The following BAHCC1 variants were observed in gnomAD, a reference collection of about 807,000 sequenced individuals.
BAHCC1 encodes BAH domain and coiled-coil containing 1.
Under a neutral mutation model 88.2 loss-of-function variants are expected in BAHCC1, and 43 were observed. The ratio of observed to expected loss-of-function variants is 0.49; its 90% CI spans 0.38 to 0.63. The LOEUF is 0.63. Among genes scored for constraint, BAHCC1 ranks in the 20% least tolerant of loss-of-function variants. The pLI is 0.00. For synonymous variants in BAHCC1, 1,510 were observed against 745.5 expected (o/e 2.03, Z -16.71); for missense variants, 3,023 against 1,654.8 (o/e 1.83, Z -14.34).
At chr17:81,419,382 C>G (rs538638899) in intron 2 of BAHCC1, among the ~76,000 whole-genome samples, 1 of 152,280 alleles carries the variant, frequency 6.6e-6, no homozygotes, top group Admixed American at 6.5e-5. Flanking sequence ...TTCCTCCCCG[C>G]GCTTTCCCGG....
chr17:81,398,618 C>T (rs2063770487), intron 1 of BAHCC1, among the ~76,000 whole-genome samples: 1 of 152,214 alleles, frequency 6.6e-6, no homozygotes, highest in African/African-American at 2.4e-5. Context: ...CCCCCCCACA[C>T]ACACCCCCAA....
chr17:81,397,966 A>G (rs1218915789), intron 1 of BAHCC1, among the ~76,000 whole-genome samples: 7 of 152,268 alleles, frequency 4.6e-5, no homozygotes, highest in Non-Finnish European at 1.0e-4. Context: ...TAAATCAAAC[A>G]CAAAATAGTC....
chr17:81,453,754 G>A (rs1254233248), intron 14 of BAHCC1, among the ~76,000 whole-genome samples: 1 of 152,208 alleles, frequency 6.6e-6, no homozygotes, highest in Non-Finnish European at 1.5e-5. Context: ...GACAGGGAGG[G>A]AAACTGAGTC....
intron 2 of BAHCC1, among the ~76,000 whole-genome samples, chr17:81,418,800 T>TGTGTGTGTGCGCGCGC (rs2064072641): frequency 4.4e-5 from 3 of 67,984 alleles, no homozygotes; most frequent in Admixed American, 2.1e-4. Flanking sequence ...TGTGTGCGTG[T>TGTGTGTGTGCGCGCGC]GTGTGTGTAC....
chr17:81,442,269 TG>T lies in BAHCC1; in HGVS notation c.924del (p.Arg309GlyfsTer7). 1 of 623,740 alleles carries T rather than the reference TG, an allele frequency of 1.6e-6. No individual in the cohort carries two copies. 38.6% of individuals were successfully genotyped at this position (623,740 alleles called of 1,614,324 possible). ...CTAGCCAGCTGTGCAGGGGGCATGC[TG>T]GGGCGGCCTGGCACGGGGGTGGTGA... Reference protein sequence around the residue: ...AALASCAGGMLGRPGTGVVTS... With the variant: ...AALASCAGGMXGRPGTGVVTS... On this transcript the variant is annotated frameshift_variant, in exon 5 of 28. Coordinates refer to ENST00000675386, the MANE Select transcript of BAHCC1 (RefSeq NM_001377448.1). LOFTEE classifies it high-confidence loss of function.
rs781891944 is a variant in BAHCC1 at position 81,443,861 on chromosome 17, G to A, written c.2268G>A (p.Glu756=). 19 of 714,244 alleles carry A rather than the reference G, an allele frequency of 2.7e-5. No individual in the cohort carries two copies. Among genetic ancestry groups the A allele is most frequent in the Admixed American group, 8.0e-5 (4 of 50,026 alleles). 44.2% of individuals were successfully genotyped at this position (714,244 alleles called of 1,614,324 possible). ...CGCTGGACCTGGAGGCTGAGGAGGA[G>A]AGGACGAGGCTATGTGATGACCGCC... The part of the protein sequence containing the change: ...THALDLEAEE[E]RTRLCDDRLG... Residue 756 remains glutamate (E), a synonymous_variant, in exon 6 of 28, where the codon GAG becomes GAA. Coordinates refer to ENST00000675386, the MANE Select transcript of BAHCC1 (RefSeq NM_001377448.1).
At chr17:81,449,699 C>G (rs1263183149) in intron 11 of BAHCC1, among the ~76,000 whole-genome samples, 2 of 151,926 alleles carry the variant, frequency 1.3e-5, no homozygotes, top group African/African-American at 2.4e-5. Flanking sequence ...CCTCTCTCCC[C>G]CTCCCATTCC....
Position 81,464,032 on chromosome 17 carries a change from G to C in BAHCC1, c.*215G>C, listed in dbSNP as rs542508741. On this transcript the variant is annotated 3_prime_UTR_variant, in exon 28 of 28. Transcript: ENST00000675386. ...ATCCAGTCCCGTCCCATCCTCTGCG[G>C]AGGGTCGGGCTGTGGCCCTCATGGG... 1.1e-4 allele frequency: 67 copies of C among 589,042 alleles called. No individual in the cohort carries two copies. Among genetic ancestry groups the C allele is most frequent in the Admixed American group, 6.5e-4 (22 of 33,876 alleles). 36.5% of individuals were successfully genotyped at this position (589,042 alleles called of 1,614,324 possible).
Position 81,456,376 on chromosome 17 carries a change from C to T in BAHCC1, c.4649C>T (p.Pro1550Leu). ...GCCCACAGGGTGGCCCAGCTGAAAC[C>T]CAAGGTCAAGAGCAAAGGGCTGCCC... is the stretch of plus-strand genomic sequence containing the variant. The part of the protein sequence containing the change: ...SVAHRVAQLK[P>L]KVKSKGLPTG... Residue 1550 changes from proline (P) to leucine (L), a missense_variant, in exon 16 of 28, where the codon CCC (proline) becomes CTC (leucine). By Grantham distance (98) the Pro-to-Leu change is moderately conservative (BLOSUM62 -3). Coordinates refer to ENST00000675386, the MANE Select transcript of BAHCC1 (RefSeq NM_001377448.1). 1.4e-6 allele frequency: 1 copy of T among 724,060 alleles called. No individual in the cohort carries two copies. The highest frequency in any genetic ancestry group is 2.6e-6 in the Non-Finnish European group (1 of 389,056). 44.9% of individuals were successfully genotyped at this position (724,060 alleles called of 1,614,324 possible).
intron 2 of BAHCC1, among the ~76,000 whole-genome samples, chr17:81,426,058 G>GGTT (rs2064191902): frequency 1.2e-3 from 3 of 2,522 alleles, no homozygotes; most frequent in Non-Finnish European, 2.2e-3. Context: ...TGGTGGTGGT[G>GGTT]GTGGGTGATG....
At chr17:81,428,554 C>G (rs1256050697) in intron 3 of BAHCC1, among the ~76,000 whole-genome samples, 5 of 152,218 alleles carry the variant, frequency 3.3e-5, no homozygotes, top group African/African-American at 9.6e-5. Context: ...CCAATGCTCT[C>G]TGCACCAGGA....
chr17:81,403,521 C>A (rs1343735552), intron 2 of BAHCC1, among the ~76,000 whole-genome samples: 6 of 151,632 alleles, frequency 4.0e-5, no homozygotes, highest in Non-Finnish European at 8.8e-5. Context: ...AAAAACACAA[C>A]CAAAAAATAC....
At chr17:81,437,562 A>G (rs2064353195) in intron 3 of BAHCC1, among the ~76,000 whole-genome samples, 2 of 152,204 alleles carry the variant, frequency 1.3e-5, no homozygotes, top group Non-Finnish European at 2.9e-5. Context: ...GGTGGGGGCA[A>G]GTGTGCCCCA....
Position 81,460,324 on chromosome 17 carries a change from T to C in BAHCC1, c.5953T>C (p.Phe1985Leu). ...GGACCTGGACTCAGTAGTGGTGGAA[T>C]TTGACGATGGGGATACAGGCCACAT... ...DEDLDSVVVEFDDGDTGHIAV... is the reference protein window; with the variant it reads ...DEDLDSVVVELDDGDTGHIAV... The change falls in exon 24 of 28, where the codon TTT becomes CTT. Residue 1985 changes from phenylalanine (F) to leucine (L), a missense_variant. Physicochemically the swap from Phe to Leu is conservative, Grantham distance 22. Coordinates refer to ENST00000675386, the MANE Select transcript of BAHCC1 (RefSeq NM_001377448.1). The C allele has an allele frequency of 1.3e-6, 1 of 776,870 alleles. No homozygotes were observed. Among genetic ancestry groups the C allele is most frequent in the Admixed American group, 1.7e-5 (1 of 58,652 alleles). The allele number at this position is 776,870 out of a possible 1,614,324, so 48.1% of individuals were successfully genotyped here.
chr17:81,456,041 C>T (rs1388600930), intron 15 of BAHCC1: 2 of 510,848 alleles, frequency 3.9e-6, no homozygotes, highest in Non-Finnish European at 6.8e-6. Context: ...CCACTGGGCC[C>T]TCAGCCTCCT....
chr17:81,462,091 A>T, intron 26 of BAHCC1, 45 bp downstream of exon 26: 1 of 696,678 alleles, frequency 1.4e-6, no homozygotes, highest in Non-Finnish European at 2.6e-6. Context: ...TCCCAAGGAA[A>T]CCGGGGCGGG....
intron 2 of BAHCC1, among the ~76,000 whole-genome samples, chr17:81,413,417 G>A (rs1301884044): frequency 1.3e-5 from 2 of 152,030 alleles, no homozygotes; most frequent in Non-Finnish European, 2.9e-5. Flanking sequence ...GGCCCTGTTC[G>A]TCCCTCACCC....
Position 81,411,474 on chromosome 17 carries a change from CCCTG to C in BAHCC1, c.178+11597_178+11600del, listed in dbSNP as rs869057944. 475 of 251,716 alleles carry C rather than the reference CCCTG, an allele frequency of 1.9e-3. 2 individuals are homozygous for C. The highest frequency in any genetic ancestry group is 4.2e-3 in the Middle Eastern group (3 of 720). The allele number at this position is 251,716 out of a possible 1,614,324, so 15.6% of individuals were successfully genotyped here. A position where few individuals can be genotyped will look rare whatever the true frequency, so the allele number is the denominator to read the frequency against. On this transcript the variant is annotated intron_variant, in intron 2 of 27. Transcript: ENST00000675386. The surrounding 1 kb of genome is among the most constrained non-coding windows in gnomAD (Gnocchi z 6.2). ...CCTTGAGGTCGTCAGCCAGCCCCAC[CCCTG>C]CCTGCCTGCCTGCCTGCCTGCCTGC...
chr17:81,458,443 ACAGTGCTGCAGC>A lies in BAHCC1; in HGVS notation c.5330_5341del (p.Gln1777_Leu1780del). On this transcript the variant is annotated inframe_deletion, in exon 18 of 28. Coordinates refer to ENST00000675386, the MANE Select transcript of BAHCC1 (RefSeq NM_001377448.1). ...CCTCAAGAGGGCCACGCGCAAGGGC[ACAGTGCTGCAGC>A]CAGTGCTGCGGGTGAGGCTGGGCTC... 1.4e-6 allele frequency: 1 copy of A among 732,254 alleles called. No homozygotes were observed. Among genetic ancestry groups the A allele is most frequent in the Non-Finnish European group, 2.5e-6 (1 of 397,698 alleles). 45.4% of individuals were successfully genotyped at this position (732,254 alleles called of 1,614,324 possible). A position where few individuals can be genotyped will look rare whatever the true frequency, so the allele number is the denominator to read the frequency against.
Sources: gnomAD v4.1 joint callset for allele counts (sites outside exome capture counted in the v4.1 genomes callset) on GRCh38, gnomAD v4.1.1 for gene constraint, Gnocchi (gnomAD v3.1) non-coding constraint, MANE v1.5 for transcripts, NCBI Gene and HGNC (gene_info 2026-07-23, HGNC 2026-07-21) for gene names.